Variants in EXOC6B observed in about 807,000 individuals in gnomAD.
EXOC6B encodes the protein SEC15 homolog B.
EXOC6B carries 54 observed loss-of-function variants against 113.5 expected under a neutral mutation model. The observed-to-expected ratio is 0.48, with a 90% CI of 0.38 to 0.60. The LOEUF is 0.60. Ranked by LOEUF, EXOC6B falls within the 20% of genes least tolerant of loss-of-function variation. The pLI, the probability that EXOC6B is intolerant of heterozygous loss-of-function variation, is 0.00. For missense variants in EXOC6B, 797 were observed against 977.5 expected (o/e 0.82, Z 2.46); for synonymous variants, 357 against 339.0 (o/e 1.05, Z -0.58).
intron 1 of EXOC6B, among the ~76,000 whole-genome samples, chr2:72,822,378 T>G (rs986348241): frequency 2.0e-5 from 3 of 152,236 alleles, no homozygotes; most frequent in East Asian, 3.8e-4. Context: ...ACCCTCTTTA[T>G]GTGTGGATAT....
intron 6 of EXOC6B, among the ~76,000 whole-genome samples, chr2:72,587,395 T>C (rs998543083): frequency 9.2e-5 from 14 of 151,938 alleles, no homozygotes; most frequent in African/African-American, 2.4e-4. Flanking sequence ...ATGGCAACAA[T>C]AGACACTGGG....
intron 8 of EXOC6B, among the ~76,000 whole-genome samples, chr2:72,533,336 G>A (rs971576737): frequency 6.6e-6 from 1 of 152,182 alleles, no homozygotes. Flanking sequence ...ACATTGAAGA[G>A]CAGAGAGCAC....
intron 19 of EXOC6B, among the ~76,000 whole-genome samples, chr2:72,353,570 C>T (rs1689793283): frequency 6.6e-6 from 1 of 151,974 alleles, no homozygotes; most frequent in South Asian, 2.1e-4. Context: ...GACAGGGTTT[C>T]ACCATGTTGG....
chr2:72,510,408 A>C (rs1209825373), intron 11 of EXOC6B, among the ~76,000 whole-genome samples: 4 of 151,726 alleles, frequency 2.6e-5, no homozygotes, highest in Non-Finnish European at 5.9e-5. Context: ...ATGTGTAAGG[A>C]CATGGTTATA....
At chr2:72,413,688 G>GAAAAAAA (rs779663149) in intron 18 of EXOC6B, among the ~76,000 whole-genome samples, 2 of 108,264 alleles carry the variant, frequency 1.8e-5, no homozygotes, top group African/African-American at 3.2e-5. Flanking sequence ...CCTCAAAAAA[G>GAAAAAAA]AAAAAAAAAA....
chr2:72,276,573 G>A (rs1684819301), intron 20 of EXOC6B, among the ~76,000 whole-genome samples: 1 of 152,102 alleles, frequency 6.6e-6, no homozygotes, highest in Non-Finnish European at 1.5e-5. Context: ...TCTCAAACTA[G>A]TGGCCTGAAA....
chr2:72,397,661 T>TAAA (rs1558625759), intron 18 of EXOC6B, among the ~76,000 whole-genome samples: 1 of 102,086 alleles, frequency 9.8e-6, no homozygotes, highest in African/African-American at 8.6e-5. Flanking sequence ...AAAATAAAAT[T>TAAA]ATATATATAT....
chr2:72,599,924 A>G (rs568799685), intron 6 of EXOC6B, among the ~76,000 whole-genome samples: 1 of 152,316 alleles, frequency 6.6e-6, no homozygotes, highest in South Asian at 2.1e-4. Flanking sequence ...GAGGTATTCC[A>G]TGTTCATTAA....
chr2:72,714,007 C>A (rs1487117402), intron 6 of EXOC6B, among the ~76,000 whole-genome samples: 1 of 152,140 alleles, frequency 6.6e-6, no homozygotes, highest in East Asian at 1.9e-4. Context: ...CCCTAAAAAA[C>A]CTCCAGGCAT....
rs371705045 is a variant in EXOC6B, at chr2:72,669,045, C to A, written c.669+49058G>T. Among the ~76,000 whole-genome samples, 8 of 152,184 alleles carry A rather than the reference C, an allele frequency of 5.3e-5. No individual in the cohort carries two copies. The East Asian group carries it at 7.7e-4, about 15-fold the overall frequency. ...GAGTCTACAGTGAGTTTTGATCACA[C>A]TATTGCATTCTAGCCTGGGTGACAC... is the stretch of plus-strand genomic sequence containing the variant. On this transcript the variant is annotated intron_variant, in intron 6 of 21. Coordinates refer to ENST00000272427, the MANE Select transcript of EXOC6B (RefSeq NM_015189.3).
At chr2:72,228,364 C>G (rs1254089447) in intron 20 of EXOC6B, among the ~76,000 whole-genome samples, 2 of 151,580 alleles carry the variant, frequency 1.3e-5, no homozygotes, top group Non-Finnish European at 2.9e-5. Flanking sequence ...TGTGCTGCAC[C>G]CATTAACTCG....
intron 17 of EXOC6B, among the ~76,000 whole-genome samples, chr2:72,479,618 T>C (rs924289520): frequency 4.6e-5 from 7 of 152,216 alleles, no homozygotes; most frequent in Non-Finnish European, 1.0e-4. Flanking sequence ...GTAGCCTATA[T>C]GTTAGATCCA....
chr2:72,754,983 A>G (rs1682318533), intron 1 of EXOC6B, among the ~76,000 whole-genome samples: 2 of 152,098 alleles, frequency 1.3e-5, no homozygotes, highest in Admixed American at 1.3e-4. Flanking sequence ...AAATCTATTG[A>G]AGCACCTAGC....
chr2:72,206,838 T>C (rs1198567140), intron 20 of EXOC6B, among the ~76,000 whole-genome samples: 3 of 152,222 alleles, frequency 2.0e-5, no homozygotes, highest in Non-Finnish European at 4.4e-5. Context: ...TTTAGTATTT[T>C]TCCTCAAGAT....
intron 18 of EXOC6B, among the ~76,000 whole-genome samples, chr2:72,423,808 C>T (rs640610): frequency 0.36 from 54,021 of 152,032 alleles, 15,496 homozygotes; most frequent in African/African-American, 0.8. Context: ...TTTTAAGAAA[C>T]TGTTTATCCG....
In EXOC6B at chr2:72,495,497, T is replaced by C. The variant is rs773048433; in HGVS notation, c.1486A>G (p.Lys496Glu). 1.5e-5 allele frequency: 24 copies of C among 1,609,294 alleles called. No homozygotes were observed. Among genetic ancestry groups the C allele is most frequent in the African/African-American group, 2.7e-5 (2 of 74,800 alleles). Reference sequence around the variant, plus strand: ...AATTCTTTAATTTGGTTGTAAACTTTTGGCACAAATTCAGAGAAAGGAAAC... The same window carrying C: ...AATTCTTTAATTTGGTTGTAAACTTCTGGCACAAATTCAGAGAAAGGAAAC... Reference protein sequence around the residue: ...KKFPFSEFVPKVYNQIKEFIY... With the variant: ...KKFPFSEFVPEVYNQIKEFIY... The change falls in exon 15 of 22, where the codon AAA becomes GAA. Residue 496 changes from lysine to glutamate, a missense_variant. Coordinates refer to ENST00000272427, the MANE Select transcript of EXOC6B (RefSeq NM_015189.3).
chr2:72,503,445 A>G (rs1383652762), intron 11 of EXOC6B, among the ~76,000 whole-genome samples: 1 of 152,196 alleles, frequency 6.6e-6, no homozygotes, highest in Non-Finnish European at 1.5e-5. Context: ...GGGATCATAT[A>G]GTATGTAGCC....
chr2:72,300,318 A>G (rs1279670472), intron 20 of EXOC6B, among the ~76,000 whole-genome samples: 1 of 152,102 alleles, frequency 6.6e-6, no homozygotes, highest in South Asian at 2.1e-4. Context: ...CTTTGTTTAC[A>G]CTGTGAGGAT....
chr2:72,427,051 G>C (rs1474242882), intron 18 of EXOC6B, among the ~76,000 whole-genome samples: 3 of 152,240 alleles, frequency 2.0e-5, no homozygotes, highest in African/African-American at 7.2e-5. Flanking sequence ...AACAGCCACT[G>C]CAGAGAGGGA....
Sources: allele counts gnomAD v4.1 joint callset (sites outside exome capture counted in the v4.1 genomes callset), GRCh38; gene constraint gnomAD v4.1.1; transcripts MANE v1.5; gene names NCBI Gene and HGNC (gene_info 2026-07-23, HGNC 2026-07-21).